The following CRB1 variants were observed in gnomAD, a reference collection of about 807,000 sequenced individuals.
The protein encoded by CRB1 is crumbs cell polarity complex component 1.
Under a neutral mutation model 120.0 loss-of-function variants are expected in CRB1, and 83 were observed. That is an observed-to-expected ratio of 0.69 (90% CI 0.58 to 0.83). The LOEUF (loss-of-function observed/expected upper bound fraction) is 0.83, where lower values mean the gene tolerates loss of function less well. Among genes scored for constraint, CRB1 ranks in the 40% least tolerant of loss-of-function variants. The pLI is 0.00. For missense variants in CRB1, 1,699 were observed against 1,687.6 expected (o/e 1.01, Z -0.12); for synonymous variants, 625 against 612.5 (o/e 1.02, Z -0.30).
intron 5 of CRB1, among the ~76,000 whole-genome samples, chr1:197,364,673 A>G (rs1425941997): frequency 6.6e-6 from 1 of 151,758 alleles, no homozygotes; most frequent in Non-Finnish European, 1.5e-5. Context: ...CCCATCTAGT[A>G]TTGAGCCCAT....
the CRB1 span, among the ~76,000 whole-genome samples, chr1:197,203,750 T>G: frequency 1.3e-5 from 2 of 152,242 alleles, no homozygotes; most frequent in African/African-American, 2.4e-5. Flanking sequence ...GGTGCCATAT[T>G]TAGATATTTA....
At chr1:197,228,310 T>C in the CRB1 span, among the ~76,000 whole-genome samples, 1 of 152,210 alleles carries the variant, frequency 6.6e-6, no homozygotes, top group East Asian at 1.9e-4. Flanking sequence ...TTTTCGCTTT[T>C]GAAATGAAAA....
the CRB1 span, among the ~76,000 whole-genome samples, chr1:197,246,002 A>G: frequency 6.6e-6 from 1 of 152,088 alleles, no homozygotes; most frequent in Admixed American, 6.6e-5. Flanking sequence ...CAGGGCTCCT[A>G]TGACACTACC....
intron 1 of CRB1, among the ~76,000 whole-genome samples, chr1:197,277,614 A>G (rs1429592306): frequency 1.3e-5 from 2 of 152,008 alleles, no homozygotes; most frequent in Non-Finnish European, 2.9e-5. Context: ...GTGATGCATT[A>G]TTATTATTGT....
chr1:197,410,206 C>T (rs1417863245), intron 5 of CRB1, among the ~76,000 whole-genome samples: 4 of 152,168 alleles, frequency 2.6e-5, no homozygotes, highest in African/African-American at 9.7e-5. Context: ...TATTCCACTG[C>T]AAGCTGAAAT....
At chr1:197,406,099 G>A (rs1382655854) in intron 5 of CRB1, among the ~76,000 whole-genome samples, 1 of 152,232 alleles carries the variant, frequency 6.6e-6, no homozygotes, top group Non-Finnish European at 1.5e-5. Context: ...TTGAGAACGG[G>A]CCATGATGAC....
At chr1:197,363,376 A>G (rs943003677) in intron 5 of CRB1, among the ~76,000 whole-genome samples, 1 of 151,632 alleles carries the variant, frequency 6.6e-6, no homozygotes, top group Non-Finnish European at 1.5e-5. Flanking sequence ...TAGCCATTCT[A>G]TGAGGGTAGG....
chr1:197,229,120 G>A, the CRB1 span, among the ~76,000 whole-genome samples: 2 of 152,158 alleles, frequency 1.3e-5, no homozygotes, highest in Non-Finnish European at 2.9e-5. Context: ...ACCTGACGAT[G>A]CTGACATCCT....
At chr1:197,281,833 G>T (rs1259934488) in intron 1 of CRB1, among the ~76,000 whole-genome samples, 2 of 151,780 alleles carry the variant, frequency 1.3e-5, no homozygotes, top group Admixed American at 6.6e-5. Flanking sequence ...AATATAGGAT[G>T]AATTGTTACA....
chr1:197,245,489 C>A, the CRB1 span, among the ~76,000 whole-genome samples: 5 of 151,962 alleles, frequency 3.3e-5, no homozygotes, highest in Admixed American at 2.0e-4. Flanking sequence ...GCCTGGGAGG[C>A]AAAGGTAGAC....
chr1:197,417,674 C>G (rs1664076765), intron 5 of CRB1, among the ~76,000 whole-genome samples: 1 of 152,152 alleles, frequency 6.6e-6, no homozygotes, highest in Non-Finnish European at 1.5e-5. Context: ...ATAAGTGTCC[C>G]TTATAACAAA....
At chr1:197,342,738 C>A (rs1338451079) in intron 2 of CRB1, among the ~76,000 whole-genome samples, 1 of 152,106 alleles carries the variant, frequency 6.6e-6, no homozygotes, top group Non-Finnish European at 1.5e-5. Flanking sequence ...ATTCTACCTA[C>A]CCTGAAGAAT....
At chr1:197,421,977 A>G (rs1336298490) in intron 6 of CRB1, 21 bp downstream of exon 6, 2 of 1,610,344 alleles carry the variant, frequency 1.2e-6, no homozygotes, top group East Asian at 2.2e-5. Flanking sequence ...GCTGAGTGCT[A>G]TGGCTAGGAG....
intron 1 of CRB1, among the ~76,000 whole-genome samples, chr1:197,278,525 A>G (rs1188611884): frequency 1.3e-5 from 2 of 151,924 alleles, no homozygotes; most frequent in African/African-American, 2.4e-5. Flanking sequence ...GCAGAGGGAA[A>G]AAGGTAATGG....
the CRB1 span, among the ~76,000 whole-genome samples, chr1:197,248,683 T>C: frequency 6.6e-6 from 1 of 151,994 alleles, no homozygotes; most frequent in Admixed American, 6.6e-5. Context: ...CATGATTAAA[T>C]TGTGTACAGT....
chr1:197,341,026 T>C (rs1659423733), intron 2 of CRB1, among the ~76,000 whole-genome samples: 1 of 152,004 alleles, frequency 6.6e-6, no homozygotes, highest in Non-Finnish European at 1.5e-5. Context: ...CTCCCCCTAA[T>C]AAAACCATCA....
intron 1 of CRB1, among the ~76,000 whole-genome samples, chr1:197,274,620 T>C (rs1655101504): frequency 6.6e-6 from 1 of 152,190 alleles, no homozygotes; most frequent in African/African-American, 2.4e-5. Flanking sequence ...TGGAAGCCAC[T>C]GATCATTCTA....
chr1:197,450,865 C>A (rs1571590088), intron 11 of CRB1, among the ~76,000 whole-genome samples: 1 of 132,790 alleles, frequency 7.5e-6, no homozygotes, highest in African/African-American at 2.9e-5. Context: ...GAGGCTGAGG[C>A]AGGAGAATGG....
chr1:197,453,539 T>TATATATATAG (rs1553266395), intron 11 of CRB1, among the ~76,000 whole-genome samples: 1 of 58,512 alleles, frequency 1.7e-5, no homozygotes, highest in African/African-American at 4.1e-5. Flanking sequence ...TATATATATA[T>TATATATATAG]AGAGAGAGAG....
Sources: gnomAD v4.1 joint callset for allele counts (sites outside exome capture counted in the v4.1 genomes callset) on GRCh38, gnomAD v4.1.1 for gene constraint, MANE v1.5 for transcripts, NCBI Gene and HGNC (gene_info 2026-07-23, HGNC 2026-07-21) for gene names.